The following IL15RA variants were observed in gnomAD, a reference collection of about 807,000 sequenced individuals.
IL15RA encodes the protein interleukin 15 receptor subunit alpha, also known as interleukin-15 receptor subunit alpha.
A neutral mutation model predicts 24.2 loss-of-function variants in IL15RA; 26 were observed. That is an observed-to-expected ratio of 1.07 (90% CI 0.79 to 1.49). The LOEUF is 1.49. Ranked by LOEUF, IL15RA falls within the 40% of genes most tolerant of loss-of-function variation. The probability of loss-of-function intolerance (pLI) is 0.00; values close to 1 mark genes in which losing one functional copy is unlikely to be tolerated. For synonymous variants in IL15RA, 166 were observed against 157.6 expected, an observed-to-expected ratio of 1.05 and a Z score of -0.40; for missense variants, 354 against 356.4, an observed-to-expected ratio of 0.99 and a Z score of 0.05.
chr10:5,966,635 C>T lies in IL15RA; in HGVS notation c.89-296G>A, dbSNP rs1019512283. On this transcript the variant is annotated intron_variant, in intron 1 of 6. Coordinates refer to ENST00000379977, the MANE Select transcript of IL15RA (RefSeq NM_002189.4). This position sits in a 1 kb window ranked among gnomAD's most constrained non-coding sequence, Gnocchi z 6.4. ...CCACCCCTCTCCAAGCCCTCAGTCT[C>T]TCTTAAAGTCTTCACCCCTCTCCAC... Among the ~76,000 whole-genome samples, 4 of 152,048 alleles carry T rather than the reference C, an allele frequency of 2.6e-5. No individual in the cohort carries two copies. The highest frequency in any genetic ancestry group is 9.7e-5 in the African/African-American group (4 of 41,404).
chr10:5,974,733 C>T (rs1030480739), intron 1 of IL15RA, among the ~76,000 whole-genome samples: 39 of 151,888 alleles, frequency 2.6e-4, no homozygotes, highest in Admixed American at 5.2e-4. Context: ...AAAAATTAGC[C>T]GGGCGTAGTG....
intron 1 of IL15RA, among the ~76,000 whole-genome samples, chr10:5,969,210 A>G (rs1589237300): frequency 6.6e-6 from 1 of 151,466 alleles, no homozygotes; most frequent in East Asian, 1.9e-4. Flanking sequence ...TAGATCCTTT[A>G]CTGTTTTTTT....
chr10:5,957,478 G>A (rs1462182637), intron 5 of IL15RA, among the ~76,000 whole-genome samples: 2 of 151,528 alleles, frequency 1.3e-5, no homozygotes. Context: ...GTTTCACTAT[G>A]TTAGGCAGGC....
In IL15RA at chr10:5,966,127, G is replaced by T. The variant is rs569170736; in HGVS notation, c.283+18C>A. ...AGGGTGGGGGAGGGAGGAAGGTGGGGTGGCAAGGGCTACTCACTAATGCAT... is the reference window on the plus strand; with the variant it reads ...AGGGTGGGGGAGGGAGGAAGGTGGGTTGGCAAGGGCTACTCACTAATGCAT... On this transcript the variant is annotated intron_variant, in intron 2 of 6. Transcript: ENST00000379977. The surrounding 1 kb of genome is among the most constrained non-coding windows in gnomAD (Gnocchi z 6.4). 1.9e-6 allele frequency: 3 copies of T among 1,578,308 alleles called. No individual in the cohort carries two copies. The highest frequency in any genetic ancestry group is 2.2e-5 in the South Asian group (2 of 89,998).
In IL15RA at chr10:5,970,048, A is replaced by G. The variant is rs1837324951; in HGVS notation, c.89-3709T>C. Among the ~76,000 whole-genome samples the G allele has an allele frequency of 6.6e-6, 1 of 152,194 alleles. No individual in the cohort carries two copies. The highest frequency in any genetic ancestry group is 1.5e-5 in the Non-Finnish European group (1 of 68,044). On this transcript the variant is annotated intron_variant, in intron 1 of 6. Coordinates refer to ENST00000379977, the MANE Select transcript of IL15RA (RefSeq NM_002189.4). The surrounding 1 kb of genome is among the most constrained non-coding windows in gnomAD (Gnocchi z 4.1). ...CACCCTTGTAAACTCACTTATTCTA[A>G]TAGCAGCTTTGTAGATTCCATATGA...
Position 5,953,067 on chromosome 10 carries a change from G to T in IL15RA, c.*28C>A. ...AAAGCAGAGAGGCTCCTTCACTCCG[G>T]ACTTAGCTGGGCTGGTTTCCCCGAG... On this transcript the variant is annotated 3_prime_UTR_variant, in exon 7 of 7. Coordinates refer to ENST00000379977, the MANE Select transcript of IL15RA (RefSeq NM_002189.4). The surrounding 1 kb of genome is among the most constrained non-coding windows in gnomAD (Gnocchi z 5.3). 1 of 1,524,752 alleles carries T rather than the reference G, an allele frequency of 6.6e-7. No individual in the cohort carries two copies. Among genetic ancestry groups the T allele is most frequent in the Non-Finnish European group, 9.1e-7 (1 of 1,098,284 alleles). 94.5% of individuals were successfully genotyped at this position (1,524,752 alleles called of 1,614,324 possible).
At chr10:5,949,525 G>C (rs12242015), downstream of IL15RA, among the ~76,000 whole-genome samples, 5,348 of 152,178 alleles carry the variant, frequency 0.035, 114 homozygotes, top group African/African-American at 0.057. The surrounding 1 kb of genome is among the most constrained non-coding windows in gnomAD (Gnocchi z 4.4). Flanking sequence ...CGCAGTACTC[G>C]GGGAGTCCGC....
Position 5,967,990 on chromosome 10 carries a change from C to T in IL15RA, c.89-1651G>A, listed in dbSNP as rs535151103. 9.2e-5 allele frequency among the ~76,000 whole-genome samples: 14 copies of T among 152,142 alleles called. No individual in the cohort carries two copies. Among genetic ancestry groups the T allele is most frequent in the East Asian group, 3.9e-4 (2 of 5,170 alleles). On this transcript the variant is annotated intron_variant, in intron 1 of 6. Coordinates refer to ENST00000379977, the MANE Select transcript of IL15RA (RefSeq NM_002189.4). This position sits in a 1 kb window ranked among gnomAD's most constrained non-coding sequence, Gnocchi z 4.4. ...AGGAGAATCACAGGAACCTGAGAGG[C>T]GGAGGTTGCAGTGAGCCAAGATTGT...
At chr10:5,977,946 G>T (rs1424104484), upstream of IL15RA, 1 of 225,552 alleles carries the variant, frequency 4.4e-6, no homozygotes, top group Non-Finnish European at 8.6e-6. Flanking sequence ...GCCCGGCGCT[G>T]GTCGCCTCCA....
At chr10:5,951,566 C>T (rs1261554908), downstream of IL15RA, among the ~76,000 whole-genome samples, 1 of 152,214 alleles carries the variant, frequency 6.6e-6, no homozygotes, top group Admixed American at 6.5e-5. Flanking sequence ...TGGCTCACGC[C>T]TGTAATCCCA....
At position 5,973,381 on chromosome 10, in the gene IL15RA, A is replaced by G. The variant is rs962329860; in HGVS notation, c.88+4024T>C. On this transcript the variant is annotated intron_variant, in intron 1 of 6. Coordinates refer to ENST00000379977, the MANE Select transcript of IL15RA (RefSeq NM_002189.4). This position sits in a 1 kb window ranked among gnomAD's most constrained non-coding sequence, Gnocchi z 4.5. ...TCTTTTGTTAGATTTATCCGTAAGT[A>G]TCTAATGCTTTTTAATGTTATTTCA... is the stretch of plus-strand genomic sequence containing the variant. 3.2e-4 allele frequency among the ~76,000 whole-genome samples: 48 copies of G among 152,228 alleles called. No homozygotes were observed. The highest frequency in any genetic ancestry group is 8.8e-5 in the Non-Finnish European group (6 of 68,038).
rs1044684299 is a variant in IL15RA at position 5,962,764 on chromosome 10, C to G, written c.382+979G>C. The stretch of plus-strand genomic sequence containing the variant: ...TGAATGACAACAGACAGGCCCATCC[C>G]CCCGGGGGCAAAGGAGTAGACAGGA... On this transcript the variant is annotated intron_variant, in intron 3 of 6. Coordinates refer to ENST00000379977, the MANE Select transcript of IL15RA (RefSeq NM_002189.4). This position sits in a 1 kb window ranked among gnomAD's most constrained non-coding sequence, Gnocchi z 5.2. Among the ~76,000 whole-genome samples, 6 of 152,074 alleles carry G rather than the reference C, an allele frequency of 3.9e-5. No individual in the cohort carries two copies. Among genetic ancestry groups the G allele is most frequent in the Non-Finnish European group, 7.4e-5 (5 of 68,024 alleles).
rs902258010 is a variant in IL15RA, at chr10:5,973,070, C to T, written c.88+4335G>A. 6.6e-6 allele frequency among the ~76,000 whole-genome samples: 1 copy of T among 152,234 alleles called. No individual in the cohort carries two copies. The highest frequency in any genetic ancestry group is 1.5e-5 in the Non-Finnish European group (1 of 68,038). On this transcript the variant is annotated intron_variant, in intron 1 of 6. Transcript: ENST00000379977. This position sits in a 1 kb window ranked among gnomAD's most constrained non-coding sequence, Gnocchi z 4.5. ...ATTTGTCTTCAAACAAAGCAGTCTT[C>T]TCAGTTGCTTCTGGCCATCGCCCGC... is the stretch of plus-strand genomic sequence containing the variant.
chr10:5,957,276 C>CT (rs1834682002), intron 5 of IL15RA, among the ~76,000 whole-genome samples: 1 of 150,866 alleles, frequency 6.6e-6, no homozygotes, highest in Non-Finnish European at 1.5e-5. Context: ...ACAACTTTTT[C>CT]TTTCTTTCTT....
rs1258053223 is a variant in IL15RA, at chr10:5,955,941, T to G, written c.692+438A>C. ...CACTCATTGGCTCCTAGAGAAGGGG[T>G]GTGTGAGAGCCGATGGCCAGGAAAG... On this transcript the variant is annotated intron_variant, in intron 6 of 6. Transcript: ENST00000379977. The surrounding 1 kb of genome is among the most constrained non-coding windows in gnomAD (Gnocchi z 5.3). Among the ~76,000 whole-genome samples, 1 of 151,812 alleles carries G rather than the reference T, an allele frequency of 6.6e-6. No individual in the cohort carries two copies.
At chr10:5,969,101 G>GA (rs1837129174) in intron 1 of IL15RA, among the ~76,000 whole-genome samples, 2 of 152,054 alleles carry the variant, frequency 1.3e-5, no homozygotes, top group African/African-American at 4.8e-5. Context: ...CACCAATACC[G>GA]TGCTGCCTTG....
At chr10:5,956,158 G>T (rs940070095) in intron 6 of IL15RA, among the ~76,000 whole-genome samples, 2 of 152,156 alleles carry the variant, frequency 1.3e-5, no homozygotes, top group Non-Finnish European at 1.5e-5. Flanking sequence ...GGGATTACAG[G>T]TGTGCACCAC....
downstream of IL15RA, among the ~76,000 whole-genome samples, chr10:5,951,162 A>T (rs960133629): frequency 6.1e-5 from 9 of 148,618 alleles, no homozygotes; most frequent in Non-Finnish European, 1.2e-4. Flanking sequence ...AAAAAAAAAA[A>T]AAAAAAAAAA....
At chr10:5,949,085 A>C, downstream of IL15RA, 1 of 376,996 alleles carries the variant, frequency 2.7e-6, no homozygotes, top group African/African-American at 2.1e-5. The surrounding 1 kb of genome is among the most constrained non-coding windows in gnomAD (Gnocchi z 4.4). Context: ...CATCTCCTCC[A>C]CCTTTTCCGG....
Sources: gnomAD v4.1 joint callset for allele counts (sites outside exome capture counted in the v4.1 genomes callset) on GRCh38, gnomAD v4.1.1 for gene constraint, Gnocchi (gnomAD v3.1) non-coding constraint, MANE v1.5 for transcripts, NCBI Gene and HGNC (gene_info 2026-07-23, HGNC 2026-07-21) for gene names.